MTOR: variants seen among roughly 807,000 people sequenced by gnomAD.
MTOR encodes the protein serine/threonine-protein kinase mTOR.
Under a neutral mutation model 319.8 loss-of-function variants are expected in MTOR, and 70 were observed. That is an observed-to-expected ratio of 0.22 (90% confidence interval 0.18 to 0.27). The LOEUF is 0.27. Ranked by LOEUF, MTOR falls within the 10% of genes least tolerant of loss-of-function variation. The pLI is 1.00. For missense variants in MTOR, 1,890 were observed against 3,274.4 expected, an observed-to-expected ratio of 0.58 and a Z score of 10.32; for synonymous variants, 1,183 against 1,211.4, an observed-to-expected ratio of 0.98 and a Z score of 0.49.
intron 29 of MTOR, among the ~76,000 whole-genome samples, chr1:11,165,142 T>C (rs568546492): frequency 2.3e-3 from 343 of 152,294 alleles, no homozygotes; most frequent in African/African-American, 7.1e-3. Context: ...GCCAATATCA[T>C]ACTGAATGGG....
chr1:11,192,378 C>G (rs1388754173), intron 28 of MTOR: 1 of 1,597,624 alleles, frequency 6.3e-7, no homozygotes, highest in Admixed American at 1.7e-5. Context: ...GAGGTGAGGT[C>G]ATTACAGTCA....
intron 19 of MTOR, among the ~76,000 whole-genome samples, chr1:11,227,323 A>T (rs969249838): frequency 1.3e-5 from 2 of 148,546 alleles, no homozygotes; most frequent in African/African-American, 4.9e-5. Flanking sequence ...AAAAAAAAAA[A>T]AAATTCAATT....
chr1:11,222,551 G>T (rs1484713682), intron 19 of MTOR, among the ~76,000 whole-genome samples: 1 of 151,948 alleles, frequency 6.6e-6, no homozygotes, highest in Non-Finnish European at 1.5e-5. Context: ...GCCCAGGTTG[G>T]TCTTACACTC....
At chr1:11,242,315 A>T (rs1375644807) in intron 9 of MTOR, among the ~76,000 whole-genome samples, 2 of 152,106 alleles carry the variant, frequency 1.3e-5, no homozygotes. Flanking sequence ...CCCGGCCAAA[A>T]TGGTGAAAAC....
chr1:11,188,077 A>C (rs1234091268), intron 28 of MTOR, among the ~76,000 whole-genome samples: 1 of 152,224 alleles, frequency 6.6e-6, no homozygotes, highest in Non-Finnish European at 1.5e-5. Context: ...CTGGGGGATT[A>C]TGGCATGGGA....
intron 28 of MTOR, among the ~76,000 whole-genome samples, chr1:11,181,136 C>T (rs1360386731): frequency 1.3e-5 from 2 of 152,102 alleles, no homozygotes; most frequent in Non-Finnish European, 2.9e-5. Context: ...TTAGCTGTTG[C>T]ATGCAGCCCC....
At chr1:11,220,265 A>C (rs1646619785) in intron 19 of MTOR, among the ~76,000 whole-genome samples, 1 of 152,122 alleles carries the variant, frequency 6.6e-6, no homozygotes, top group African/African-American at 2.4e-5. Flanking sequence ...AAGCCACAGA[A>C]AAAATATGTA....
intron 10 of MTOR, 93 bp from the exon 11 acceptor site, chr1:11,240,640 C>A (rs975637340): frequency 3.4e-5 from 50 of 1,474,678 alleles, no homozygotes; most frequent in Non-Finnish European, 4.6e-5. Context: ...GCAAGGGGAT[C>A]AGGCCTCTGT....
intron 49 of MTOR, among the ~76,000 whole-genome samples, chr1:11,118,923 C>T (rs562767273): frequency 4.6e-5 from 7 of 151,868 alleles, no homozygotes; most frequent in Admixed American, 2.6e-4. Flanking sequence ...CACTGCACCC[C>T]GCCCATAGGT....
intron 47 of MTOR, among the ~76,000 whole-genome samples, chr1:11,123,845 T>C (rs1642671404): frequency 1.3e-5 from 2 of 151,992 alleles, no homozygotes; most frequent in African/African-American, 2.4e-5. Context: ...TGGAGTACAA[T>C]GGTGCAATCT....
chr1:11,132,927 C>T, intron 38 of MTOR, 153 bp downstream of exon 38: 1 of 656,670 alleles, frequency 1.5e-6, no homozygotes, highest in Non-Finnish European at 2.7e-6. Context: ...AATGCAGGCT[C>T]CCTGGGCCTC....
chr1:11,234,155 C>G lies in MTOR; in HGVS notation c.2319G>C (p.Glu773Asp), dbSNP rs367653056. ...CGGTTTGTGTTACCTTCAGAATAGG[C>G]TCCATGTAGGGGCGGATGAGTCGGG... is the stretch of plus-strand genomic sequence containing the variant. ...NAPRLIRPYM[E>D]PILKALILKL... Residue 773 changes from glutamate (E) to aspartate (D), a missense_variant, in exon 14 of 58, where the codon GAG (glutamate) becomes GAC (aspartate). By Grantham distance (45) the Glu-to-Asp change is conservative (BLOSUM62 2). Coordinates refer to ENST00000361445, the MANE Select transcript of MTOR (RefSeq NM_004958.4). 2 of 1,614,188 alleles carry G rather than the reference C, an allele frequency of 1.2e-6. No homozygotes were observed. Among genetic ancestry groups the G allele is most frequent in the Admixed American group, 3.3e-5 (2 of 60,022 alleles).
intron 6 of MTOR, among the ~76,000 whole-genome samples, chr1:11,253,271 A>G (rs1649936849): frequency 6.6e-6 from 1 of 152,024 alleles, no homozygotes; most frequent in Non-Finnish European, 1.5e-5. Context: ...CACATCTCCT[A>G]ATTGGTCTCC....
Position 11,129,936 on chromosome 1 carries a change from G to T in MTOR, c.5614-98C>A. On this transcript the variant is annotated intron_variant, in intron 39 of 57. Transcript: ENST00000361445. The surrounding 1 kb of genome is among the most constrained non-coding windows in gnomAD (Gnocchi z 4.7). The stretch of plus-strand genomic sequence containing the variant: ...ACTAACTGTACCTACTTCAAAGGGT[G>T]GTTATAACAATTAAATCGGTTAATG... 1 of 1,004,544 alleles carries T rather than the reference G, an allele frequency of 1.0e-6. No homozygotes were observed. The highest frequency in any genetic ancestry group is 1.6e-5 in the African/African-American group (1 of 62,612). 62.2% of individuals were successfully genotyped at this position (1,004,544 alleles called of 1,614,324 possible).
intron 6 of MTOR, 116 bp from the exon 7 acceptor site, chr1:11,248,210 A>C: frequency 5.6e-6 from 6 of 1,077,172 alleles, no homozygotes; most frequent in Middle Eastern, 2.5e-4. Flanking sequence ...CTACTTCCAA[A>C]GTGAAGGGTG....
intron 31 of MTOR, among the ~76,000 whole-genome samples, chr1:11,147,105 T>C (rs1409329926): frequency 6.6e-6 from 1 of 152,230 alleles, no homozygotes; most frequent in Non-Finnish European, 1.5e-5. Context: ...CACCTCATTA[T>C]CCTAGAGAAC....
chr1:11,131,940 C>T (rs1319868562), intron 38 of MTOR: 10 of 152,130 alleles, frequency 6.6e-5, no homozygotes, highest in Admixed American at 2.0e-4. Context: ...TCTACAATGA[C>T]CCAGGTTTCA....
At position 11,156,828 on chromosome 1, in the gene MTOR, G is replaced by C. The variant is rs536856384; in HGVS notation, c.4469+324C>G. 3.3e-5 allele frequency among the ~76,000 whole-genome samples: 5 copies of C among 152,254 alleles called. No homozygotes were observed. In the South Asian group the frequency reaches 8.3e-4, roughly 25 times the overall value. ...TGCAAGAGCTAATTTTAAAAATCAAGGTTGCCAAGTAAGAATATGAGCTCT... is the reference window on the plus strand; with the variant it reads ...TGCAAGAGCTAATTTTAAAAATCAACGTTGCCAAGTAAGAATATGAGCTCT... On this transcript the variant is annotated intron_variant, in intron 30 of 57. Transcript: ENST00000361445.
chr1:11,213,276 G>A, intron 21 of MTOR, 123 bp downstream of exon 21: 1 of 1,001,354 alleles, frequency 1.0e-6, no homozygotes, highest in Non-Finnish European at 1.5e-6. Flanking sequence ...GTATTCTTGG[G>A]ATTCTGTCTT....
Sources: gnomAD v4.1 joint callset for allele counts (sites outside exome capture counted in the v4.1 genomes callset) on GRCh38, gnomAD v4.1.1 for gene constraint, Gnocchi (gnomAD v3.1) non-coding constraint, MANE v1.5 for transcripts, NCBI Gene and HGNC (gene_info 2026-07-23, HGNC 2026-07-21) for gene names.